The following CDH23 variants were observed in gnomAD, a reference collection of about 807,000 sequenced individuals.
CDH23 encodes cadherin related 23, also known as cadherin-23.
In CDH23, 189 loss-of-function variants were observed where a neutral mutation model predicts 317.1. That is an observed-to-expected ratio of 0.60 (90% CI 0.53 to 0.67). CDH23 has a LOEUF of 0.67. Among genes scored for constraint, CDH23 ranks in the 30% least tolerant of loss-of-function variants. The probability of loss-of-function intolerance (pLI) is 0.00; values close to 1 mark genes in which losing one functional copy is unlikely to be tolerated. For missense variants in CDH23, 4,401 were observed against 4,592.4 expected (o/e 0.96, Z 1.20); for synonymous variants, 1,839 against 1,876.8 (o/e 0.98, Z 0.52).
At chr10:71,763,483 C>G in intron 38 of CDH23, among the ~76,000 whole-genome samples, 1 of 152,206 alleles carries the variant, frequency 6.6e-6, no homozygotes, top group Non-Finnish European at 1.5e-5. Context: ...CCTTCCCTGC[C>G]CTTAGAGCCC....
chr10:71,566,363 G>A (rs527478295), intron 6 of CDH23, among the ~76,000 whole-genome samples: 4 of 152,120 alleles, frequency 2.6e-5, no homozygotes, highest in Non-Finnish European at 5.9e-5. Flanking sequence ...GTGAAGGGCT[G>A]CCAGGAGGGA....
chr10:71,547,910 G>T (rs927023238), intron 6 of CDH23, among the ~76,000 whole-genome samples: 1 of 152,250 alleles, frequency 6.6e-6, no homozygotes, highest in Admixed American at 6.5e-5. Flanking sequence ...GCTGTGGCCA[G>T]GGCTAAGCAG....
At chr10:71,770,305 C>A (rs1201888120) in intron 38 of CDH23, among the ~76,000 whole-genome samples, 1 of 152,216 alleles carries the variant, frequency 6.6e-6, no homozygotes, top group Non-Finnish European at 1.5e-5. Flanking sequence ...CATCTTCCCA[C>A]TTTAGAGGGA....
intron 28 of CDH23, among the ~76,000 whole-genome samples, chr10:71,722,177 A>G (rs533911873): frequency 1.3e-5 from 2 of 152,342 alleles, no homozygotes; most frequent in Admixed American, 6.5e-5. Flanking sequence ...ATGGTGGCTC[A>G]TGCCTGTAAT....
chr10:71,708,092 C>T (rs1055576395), intron 26 of CDH23, among the ~76,000 whole-genome samples: 8 of 152,218 alleles, frequency 5.3e-5, no homozygotes, highest in African/African-American at 1.4e-4. Context: ...CCACTGCCCA[C>T]ACTATTTACG....
chr10:71,812,537 G>T lies in CDH23; in HGVS notation c.9438G>T (p.Ala3146=). The T allele has an allele frequency of 6.2e-7, 1 of 1,611,970 alleles. No homozygotes were observed. The highest frequency in any genetic ancestry group is 1.7e-4 in the Middle Eastern group (1 of 6,054). The change falls in exon 67 of 70, where the codon GCG becomes GCT. Residue 3146 remains alanine (A), a synonymous_variant. Transcript: ENST00000224721. ...GGAACCTGGAGCTGGCCGCCCAGGC[G>T]GAGCATGAGGATGACCTACCGGAGA... The part of the protein sequence containing the change: ...FCRNLELAAQ[A]EHEDDLPENL...
At chr10:71,655,858 G>T (rs1665729) in intron 14 of CDH23, among the ~76,000 whole-genome samples, 10 of 151,750 alleles carry the variant, frequency 6.6e-5, no homozygotes, top group African/African-American at 1.7e-4. Context: ...CATCGGCAAC[G>T]GAGATGTTTG....
chr10:71,610,098 A>G (rs1860784990), intron 9 of CDH23, among the ~76,000 whole-genome samples: 1 of 152,040 alleles, frequency 6.6e-6, no homozygotes, highest in Non-Finnish European at 1.5e-5. Context: ...TCCGTCTCCC[A>G]GGTTCAAACA....
intron 9 of CDH23, among the ~76,000 whole-genome samples, chr10:71,590,887 C>A (rs2394830): frequency 0.49 from 44,075 of 90,864 alleles, 9,619 homozygotes; most frequent in Non-Finnish European, 0.57. Context: ...AAAAAAAAAA[C>A]AAAAAAAAAC....
chr10:71,662,740 T>C (rs557278030), intron 14 of CDH23, among the ~76,000 whole-genome samples: 10 of 152,356 alleles, frequency 6.6e-5, no homozygotes, highest in Admixed American at 6.5e-4. Flanking sequence ...TTTCTGACTG[T>C]GAGCTTCTTG....
At chr10:71,563,089 G>C (rs1304931464) in intron 6 of CDH23, among the ~76,000 whole-genome samples, 1 of 152,156 alleles carries the variant, frequency 6.6e-6, no homozygotes, top group Non-Finnish European at 1.5e-5. Context: ...GGAGGCAGCT[G>C]TTGGTATCTC....
At chr10:71,739,855 G>A (rs1380859105) in intron 36 of CDH23, 83 bp downstream of exon 36, 20 of 1,454,214 alleles carry the variant, frequency 1.4e-5, no homozygotes, top group South Asian at 5.4e-5. Context: ...GAGAGAGCCT[G>A]TCCATCAGCA....
At chr10:71,609,993 TGTGA>T (rs544490293) in intron 9 of CDH23, among the ~76,000 whole-genome samples, 51 of 137,794 alleles carry the variant, frequency 3.7e-4, no homozygotes, top group Middle Eastern at 3.6e-3. Flanking sequence ...TGTGTGTGTG[TGTGA>T]GAGAGACAGA....
chr10:71,452,468 C>T (rs901992029), intron 3 of CDH23, among the ~76,000 whole-genome samples: 3 of 152,296 alleles, frequency 2.0e-5, no homozygotes, highest in East Asian at 3.9e-4. Flanking sequence ...GTTGCACTGC[C>T]GTGCCCTCAA....
At chr10:71,745,510 C>A (rs533030588) in intron 38 of CDH23, among the ~76,000 whole-genome samples, 4 of 152,126 alleles carry the variant, frequency 2.6e-5, no homozygotes, top group African/African-American at 4.8e-5. Flanking sequence ...TTCTCAAGAC[C>A]CCCCCTCTAC....
intron 45 of CDH23, among the ~76,000 whole-genome samples, chr10:71,789,749 G>A (rs557342286): frequency 8.5e-5 from 13 of 152,316 alleles, no homozygotes; most frequent in East Asian, 5.8e-4. Flanking sequence ...CCACTGATGC[G>A]CTCGTGTGCA....
intron 3 of CDH23, among the ~76,000 whole-genome samples, chr10:71,453,251 C>T (rs892955216): frequency 3.3e-5 from 5 of 152,252 alleles, no homozygotes; most frequent in Non-Finnish European, 7.3e-5. Flanking sequence ...CAGCGCCTGG[C>T]ACTGCTGCCA....
intron 17 of CDH23, among the ~76,000 whole-genome samples, chr10:71,681,483 T>C (rs1356312611): frequency 6.6e-6 from 1 of 152,200 alleles, no homozygotes; most frequent in African/African-American, 2.4e-5. Context: ...CCTTTGGCCT[T>C]AGGGTTCTTC....
rs775450005 is a variant in CDH23, at chr10:71,815,317, C to T, written c.*39C>T. 4.0e-6 allele frequency: 6 copies of T among 1,487,906 alleles called. No homozygotes were observed. The highest frequency in any genetic ancestry group is 1.8e-6 in the Non-Finnish European group (2 of 1,106,534). 92.2% of individuals were successfully genotyped at this position (1,487,906 alleles called of 1,614,324 possible). ...CCTTGTGGGTGTGAGCAGCACCCAT[C>T]CACCGTCCCCTCCCAGGGAGCAAGG... On this transcript the variant is annotated 3_prime_UTR_variant, in exon 70 of 70. Transcript: ENST00000224721.
Sources: allele counts gnomAD v4.1 joint callset (sites outside exome capture counted in the v4.1 genomes callset), GRCh38; gene constraint gnomAD v4.1.1; transcripts MANE v1.5; gene names NCBI Gene and HGNC (gene_info 2026-07-23, HGNC 2026-07-21).